Variants in MELTF observed in about 807,000 individuals in gnomAD.
The protein encoded by MELTF is antigen p97 (melanoma associated) identified by monoclonal antibodies 133.2 and 96.5.
In MELTF, 67 loss-of-function variants were observed where a neutral mutation model predicts 83.7. The observed-to-expected ratio is 0.80, with a 90% CI of 0.66 to 0.98. MELTF has a LOEUF of 0.98. MELTF is among the 50% of genes least tolerant of loss of function. The pLI is 0.00. For missense variants in MELTF, 1,002 were observed against 1,035.6 expected (o/e 0.97, Z 0.44); for synonymous variants, 462 against 447.6 (o/e 1.03, Z -0.41).
intron 4 of MELTF, chr3:197,023,760 TAATA>T: frequency 2.2e-6 from 1 of 450,532 alleles, no homozygotes. Context: ...AGTAGATATT[TAATA>T]AATATGCCAA....
In MELTF at chr3:197,029,018, A is replaced by G. The variant is rs1719974637; in HGVS notation, c.49+636T>C. ...ACGGGGCGGGGGTGGCGGTGGCTTC[A>G]TCGTTTGCATTGATGAGTGCGTCGC... On this transcript the variant is annotated intron_variant, in intron 1 of 15. Transcript: ENST00000296350. This position sits in a 1 kb window ranked among gnomAD's most constrained non-coding sequence, Gnocchi z 6.5. 1.3e-5 allele frequency: 2 copies of G among 152,370 alleles called. No homozygotes were observed. The highest frequency in any genetic ancestry group is 6.5e-5 in the Admixed American group (1 of 15,302). 9.4% of individuals were successfully genotyped at this position (152,370 alleles called of 1,614,324 possible). A position where few individuals can be genotyped will look rare whatever the true frequency, so the allele number is the denominator to read the frequency against.
At position 197,029,803 on chromosome 3, in the gene MELTF, G is replaced by T; in HGVS notation, c.-101C>A. 1 of 862,708 alleles carries T rather than the reference G, an allele frequency of 1.2e-6. No homozygotes were observed. The highest frequency in any genetic ancestry group is 1.5e-6 in the Non-Finnish European group (1 of 652,478). 53.4% of individuals were successfully genotyped at this position (862,708 alleles called of 1,614,324 possible). ...TCCCTGCTCCCCCTCGCGCTGGCCC[G>T]AGCTCCTTAAGTGCGGCCGCGAGTT... On this transcript the variant is annotated 5_prime_UTR_variant, in exon 1 of 16. Coordinates refer to ENST00000296350, the MANE Select transcript of MELTF (RefSeq NM_005929.6). This position sits in a 1 kb window ranked among gnomAD's most constrained non-coding sequence, Gnocchi z 6.5.
At chr3:197,016,157 G>C (rs1330901235) in intron 8 of MELTF, 32 bp downstream of exon 8, 2 of 1,479,172 alleles carry the variant, frequency 1.4e-6, no homozygotes, top group Middle Eastern at 2.3e-4. Context: ...AGCTGGGCTG[G>C]AGCTGGCAGC....
At position 197,016,228 on chromosome 3, in the gene MELTF, A is replaced by T; in HGVS notation, c.1042T>A (p.Tyr348Asn). The change falls in exon 8 of 16, where the codon TAC becomes AAC. Residue 348 changes from tyrosine (Y) to asparagine (N), a missense_variant. By Grantham distance (143) the Tyr-to-Asn change is moderately radical. Transcript: ENST00000296350. ...AGCAGACCCTTCATGGCGTGCAGGT[A>T]CTCATGGCCCAGCCACGCCTCATAG... is the stretch of plus-strand genomic sequence containing the variant. ...QTYEAWLGHE[Y>N]LHAMKGLLCD... 3 of 1,597,148 alleles carry T rather than the reference A, an allele frequency of 1.9e-6. No individual in the cohort carries two copies. The highest frequency in any genetic ancestry group is 2.6e-6 in the Non-Finnish European group (3 of 1,171,884).
rs1393994699 is a variant in MELTF at position 197,007,432 on chromosome 3, G to A, written c.1751-696C>T. Among the ~76,000 whole-genome samples the A allele has an allele frequency of 6.6e-6, 1 of 152,204 alleles. No individual in the cohort carries two copies. The highest frequency in any genetic ancestry group is 1.5e-5 in the Non-Finnish European group (1 of 68,036). ...TCCCATTTCCAGGAAATCCAGGTGG[G>A]CCTTGAGGAGAGCTAAAGATAAAAG... On this transcript the variant is annotated intron_variant, in intron 13 of 15. Coordinates refer to ENST00000296350, the MANE Select transcript of MELTF (RefSeq NM_005929.6). This position sits in a 1 kb window ranked among gnomAD's most constrained non-coding sequence, Gnocchi z 4.3.
chr3:197,004,801 GCT>G (rs2108952131), intron 14 of MELTF: 1 of 152,372 alleles, frequency 6.6e-6, no homozygotes, highest in Non-Finnish European at 1.5e-5. Flanking sequence ...GAGTCAGGTG[GCT>G]CTCAGTCTTT....
intron 14 of MELTF, among the ~76,000 whole-genome samples, chr3:197,005,397 T>G (rs1183344972): frequency 6.6e-6 from 1 of 152,240 alleles, no homozygotes; most frequent in African/African-American, 2.4e-5. Context: ...AAGTATGTAG[T>G]TAAATATGCA....
intron 4 of MELTF, chr3:197,023,932 T>G (rs1445601973): frequency 4.1e-6 from 2 of 487,172 alleles, no homozygotes; most frequent in Non-Finnish European, 8.1e-6. Flanking sequence ...GCATTTCTGG[T>G]CCTGTAAAGC....
In MELTF at chr3:197,029,792, C is replaced by G. The variant is rs924238497; in HGVS notation, c.-90G>C. The G allele has an allele frequency of 1.1e-6, 1 of 932,180 alleles. No individual in the cohort carries two copies. Among genetic ancestry groups the G allele is most frequent in the Non-Finnish European group, 1.4e-6 (1 of 715,684 alleles). 57.7% of individuals were successfully genotyped at this position (932,180 alleles called of 1,614,324 possible). On this transcript the variant is annotated 5_prime_UTR_variant, in exon 1 of 16. Coordinates refer to ENST00000296350, the MANE Select transcript of MELTF (RefSeq NM_005929.6). This position sits in a 1 kb window ranked among gnomAD's most constrained non-coding sequence, Gnocchi z 6.5. ...GCCGGGCTTCCTCCCTGCTCCCCCT[C>G]GCGCTGGCCCGAGCTCCTTAAGTGC... is the stretch of plus-strand genomic sequence containing the variant.
chr3:197,026,334 TG>T (rs1228320533), intron 3 of MELTF: 3 of 259,256 alleles, frequency 1.2e-5, no homozygotes, highest in Non-Finnish European at 2.2e-5. Flanking sequence ...AAGGACGCCT[TG>T]CTCACCCAAG....
Position 197,006,761 on chromosome 3 carries a change from T to G in MELTF, c.1751-25A>C, listed in dbSNP as rs561359908. 7 of 1,493,078 alleles carry G rather than the reference T, an allele frequency of 4.7e-6. No individual in the cohort carries two copies. In the Admixed American group the frequency reaches 7.1e-5, roughly 15 times the overall value. The allele number at this position is 1,493,078 out of a possible 1,614,324, so 92.5% of individuals were successfully genotyped here. A position where few individuals can be genotyped will look rare whatever the true frequency, so the allele number is the denominator to read the frequency against. On this transcript the variant is annotated intron_variant, in intron 13 of 15. Transcript: ENST00000296350. This position sits in a 1 kb window ranked among gnomAD's most constrained non-coding sequence, Gnocchi z 5.4. ...CCTGAGGGGGGTAAAGCAGTGTGTG[T>G]GGGGACGTTCCGGGAGTGGAGAGAA...
chr3:197,010,245 A>G (rs77830305), intron 10 of MELTF, among the ~76,000 whole-genome samples: 4,947 of 152,322 alleles, frequency 0.032, 151 homozygotes, highest in East Asian at 0.077. Context: ...CCAAAGCCCC[A>G]GCCCAGGCCC....
rs1338949907 is a variant in MELTF, at chr3:197,023,097, A to C, written c.504T>G (p.Phe168Leu). The change falls in exon 5 of 16, where the codon TTT becomes TTG. Residue 168 changes from phenylalanine (F) to leucine (L), a missense_variant. Phe to Leu is a conservative substitution (Grantham distance 22, BLOSUM62 0). Transcript: ENST00000296350. Reference sequence around the variant, plus strand: ...CTGCCCCCGGGACGCAGCTGCCCCCAAAATAGTCGCTGACAGCTGTGGGAA... The same window carrying C: ...CTGCCCCCGGGACGCAGCTGCCCCCCAAATAGTCGCTGACAGCTGTGGGAA... Reference protein sequence around the residue: ...CDVLKAVSDYFGGSCVPGAGE... With the variant: ...CDVLKAVSDYLGGSCVPGAGE... The C allele has an allele frequency of 1.2e-6, 2 of 1,613,542 alleles. No individual in the cohort carries two copies. Among genetic ancestry groups the C allele is most frequent in the Non-Finnish European group, 1.7e-6 (2 of 1,180,012 alleles).
intron 4 of MELTF, among the ~76,000 whole-genome samples, chr3:197,023,643 C>T (rs1719721574): frequency 6.6e-6 from 1 of 152,218 alleles, no homozygotes; most frequent in Admixed American, 6.5e-5. Context: ...CGCGAGGAGG[C>T]CCTGCTGCTG....
At position 197,017,157 on chromosome 3, in the gene MELTF, C is replaced by T. The variant is rs771369454; in HGVS notation, c.846G>A (p.Val282=). 2 of 1,611,736 alleles carry T rather than the reference C, an allele frequency of 1.2e-6. No homozygotes were observed. Among genetic ancestry groups the T allele is most frequent in the South Asian group, 2.2e-5 (2 of 90,310 alleles). ...GGCCCCCATCTGTGTCGGCCCGGAC[C>T]ACCACGGCGTGAGCAGGCACCCGGG... ...HLARVPAHAV[V]VRADTDGGLI... Residue 282 remains valine (V), a synonymous_variant, in exon 7 of 16, where the codon GTG becomes GTA. Transcript: ENST00000296350.
rs1169800160 is a variant in MELTF at position 197,008,082 on chromosome 3, G to A, written c.1750+575C>T. Among the ~76,000 whole-genome samples, 1 of 152,188 alleles carries A rather than the reference G, an allele frequency of 6.6e-6. No individual in the cohort carries two copies. The highest frequency in any genetic ancestry group is 1.9e-4 in the East Asian group (1 of 5,200). On this transcript the variant is annotated intron_variant, in intron 13 of 15. Transcript: ENST00000296350. The surrounding 1 kb of genome is among the most constrained non-coding windows in gnomAD (Gnocchi z 5.4). ...AGTGATATAAGTCAGGGGAGCGTGT[G>A]CTCTGATAGGACCATGTATGTACTG... is the stretch of plus-strand genomic sequence containing the variant.
In MELTF at chr3:197,029,736, G is replaced by A; in HGVS notation, c.-34C>T. On this transcript the variant is annotated 5_prime_UTR_variant, in exon 1 of 16. Coordinates refer to ENST00000296350, the MANE Select transcript of MELTF (RefSeq NM_005929.6). This position sits in a 1 kb window ranked among gnomAD's most constrained non-coding sequence, Gnocchi z 6.5. ...CGGGGCTGGCTGGGGCCGGGCTGGG[G>A]CTGGGTCCGGGTCCGAGGAGGTCCG... is the stretch of plus-strand genomic sequence containing the variant. 1.6e-6 allele frequency: 2 copies of A among 1,226,380 alleles called. No individual in the cohort carries two copies. Among genetic ancestry groups the A allele is most frequent in the Non-Finnish European group, 2.0e-6 (2 of 983,040 alleles). 76.0% of individuals were successfully genotyped at this position (1,226,380 alleles called of 1,614,324 possible). A position where few individuals can be genotyped will look rare whatever the true frequency, so the allele number is the denominator to read the frequency against.
In MELTF at chr3:197,017,229, C is replaced by A. The variant is rs2148585697; in HGVS notation, c.774G>T (p.Arg258=). The A allele has an allele frequency of 6.3e-7, 1 of 1,594,302 alleles. No homozygotes were observed. Among genetic ancestry groups the A allele is most frequent in the Non-Finnish European group, 8.5e-7 (1 of 1,171,740 alleles). ...CGGTGACATCGGCCCGGCTACCATC[C>A]CGGCACAGCAGCTCGAAGTCCTGTG... ...LLSQDFELLC[R]DGSRADVTEW... The change falls in exon 7 of 16, where the codon CGG becomes CGT. Residue 258 remains arginine (R), a synonymous_variant. Transcript: ENST00000296350.
chr3:197,024,371 C>G lies in MELTF; in HGVS notation c.419G>C (p.Trp140Ser). ...CHTGINRTVGWNVPVGYLVES... is the reference protein window; with the variant it reads ...CHTGINRTVGSNVPVGYLVES... ...CACCAGGTAGCCCACGGGCACGTTCCAGCCCACTGTGCGATTGATGCCCGT... is the reference window on the plus strand; with the variant it reads ...CACCAGGTAGCCCACGGGCACGTTCGAGCCCACTGTGCGATTGATGCCCGT... Residue 140 changes from tryptophan to serine, a missense_variant, in exon 4 of 16, where the codon TGG becomes TCG. By Grantham distance (177) the Trp-to-Ser change is radical. Transcript: ENST00000296350. This position sits in a 1 kb window ranked among gnomAD's most constrained non-coding sequence, Gnocchi z 5.3. 1 of 1,608,664 alleles carries G rather than the reference C, an allele frequency of 6.2e-7. No homozygotes were observed. The highest frequency in any genetic ancestry group is 8.5e-7 in the Non-Finnish European group (1 of 1,177,042).
Sources: gnomAD v4.1 joint callset for allele counts (sites outside exome capture counted in the v4.1 genomes callset) on GRCh38, gnomAD v4.1.1 for gene constraint, Gnocchi (gnomAD v3.1) non-coding constraint, MANE v1.5 for transcripts, NCBI Gene and HGNC (gene_info 2026-07-23, HGNC 2026-07-21) for gene names.